The following MRTO4 variants were observed in gnomAD, a reference collection of about 807,000 sequenced individuals.
MRTO4 encodes the protein MRT4 homolog, ribosome maturation factor.
In MRTO4, 7 loss-of-function variants were observed where a neutral mutation model predicts 28.6. The observed-to-expected ratio is 0.24, with a 90% confidence interval of 0.14 to 0.46. MRTO4 has a LOEUF of 0.46. MRTO4 is among the 20% of genes least tolerant of loss of function. The pLI, the probability that MRTO4 is intolerant of heterozygous loss-of-function variation, is 0.99. For missense variants in MRTO4, 302 were observed against 298.3 expected (o/e 1.01, Z -0.09); for synonymous variants, 113 against 108.2 (o/e 1.04, Z -0.27).
chr1:19,251,947 G>A, intron 1 of MRTO4, 84 bp downstream of exon 1: 1 of 1,515,682 alleles, frequency 6.6e-7, no homozygotes, highest in Non-Finnish European at 8.9e-7. Context: ...GGGCGGCGGG[G>A]GCGCAGATTG....
At chr1:19,258,587 G>A (rs775724940) in intron 7 of MRTO4, 34 bp downstream of exon 7, 1 of 1,613,920 alleles carries the variant, frequency 6.2e-7, no homozygotes, top group Admixed American at 1.7e-5. Context: ...GTTGCGGGCG[G>A]GGTTGCTGGC....
At position 19,257,098 on chromosome 1, in the gene MRTO4, G is replaced by T. The variant is rs1342875575; in HGVS notation, c.226G>T (p.Ala76Ser). Residue 76 changes from alanine (A) to serine (S), a missense_variant, in exon 4 of 8, where the codon GCC becomes TCC. Physicochemically the swap from Ala to Ser is moderately conservative, Grantham distance 99 (BLOSUM62 1). Coordinates refer to ENST00000330263, the MANE Select transcript of MRTO4 (RefSeq NM_016183.4). The stretch of plus-strand genomic sequence containing the variant: ...TGGCAAAAACAAGGTGATGATGGTG[G>T]CCTTGGGTCGGAGCCCATCTGATGA... The part of the protein sequence containing the change: ...FFGKNKVMMV[A>S]LGRSPSDEYK... 2 of 1,614,014 alleles carry T rather than the reference G, an allele frequency of 1.2e-6. No individual in the cohort carries two copies. The highest frequency in any genetic ancestry group is 1.7e-6 in the Non-Finnish European group (2 of 1,180,032).
chr1:19,255,628 G>C (rs1364234584), intron 2 of MRTO4, among the ~76,000 whole-genome samples: 1 of 152,220 alleles, frequency 6.6e-6, no homozygotes, highest in Non-Finnish European at 1.5e-5. Flanking sequence ...GAGGCTCCAT[G>C]TGTTTCCATG....
rs529589054 is a variant in MRTO4 at position 19,258,833 on chromosome 1, G to C, written c.*3G>C. The C allele has an allele frequency of 6.2e-7, 1 of 1,613,538 alleles. No individual in the cohort carries two copies. Among genetic ancestry groups the C allele is most frequent in the Admixed American group, 1.7e-5 (1 of 59,932 alleles). On this transcript the variant is annotated 3_prime_UTR_variant, in exon 8 of 8. Transcript: ENST00000330263. ...CAGACTCAGAAGATGATGACTGAAA[G>C]GGACTCGGGACTGAAGGTCTCCTGG...
At chr1:19,252,079 T>C (rs1247086121) in intron 1 of MRTO4, 1 of 658,374 alleles carries the variant, frequency 1.5e-6, no homozygotes. Flanking sequence ...GGAGACTCGT[T>C]TTGCCTAGTT....
In MRTO4 at chr1:19,258,518, G is replaced by A. The variant is rs2093674981; in HGVS notation, c.535G>A (p.Gly179Ser). Residue 179 changes from glycine to serine, a missense_variant, in exon 7 of 8, where the codon GGC (glycine) becomes AGC (serine). Coordinates refer to ENST00000330263, the MANE Select transcript of MRTO4 (RefSeq NM_016183.4). ...LLSDYEVCKE[G>S]DVLTPEQARV... ...GTCTGACTACGAGGTGTGCAAGGAGGGCGATGTGCTGACCCCAGAGCAGGC... is the reference window on the plus strand; with the variant it reads ...GTCTGACTACGAGGTGTGCAAGGAGAGCGATGTGCTGACCCCAGAGCAGGC... 6.2e-7 allele frequency: 1 copy of A among 1,614,076 alleles called. No homozygotes were observed. The highest frequency in any genetic ancestry group is 8.5e-7 in the Non-Finnish European group (1 of 1,180,036).
chr1:19,253,136 A>G (rs2093665798), intron 1 of MRTO4, among the ~76,000 whole-genome samples: 1 of 152,248 alleles, frequency 6.6e-6, no homozygotes. Flanking sequence ...AATGCTAAAA[A>G]TCAGATTGAA....
chr1:19,259,413 C>T lies in MRTO4; in HGVS notation c.*583C>T, dbSNP rs1244991385. 1 of 152,130 alleles carries T rather than the reference C, an allele frequency of 6.6e-6. No individual in the cohort carries two copies. The highest frequency in any genetic ancestry group is 1.5e-5 in the Non-Finnish European group (1 of 68,072). The allele number at this position is 152,130 out of a possible 1,614,324, so 9.4% of individuals were successfully genotyped here. The stretch of plus-strand genomic sequence containing the variant: ...TGGGCAATTCAGCAAGATCCCGTCT[C>T]TACAAAAAATAAAAAAAAATTAGTC... On this transcript the variant is annotated 3_prime_UTR_variant, in exon 8 of 8. Coordinates refer to ENST00000330263, the MANE Select transcript of MRTO4 (RefSeq NM_016183.4).
chr1:19,251,980 T>G (rs1344617576), intron 1 of MRTO4, 117 bp downstream of exon 1: 3 of 1,353,810 alleles, frequency 2.2e-6, no homozygotes, highest in Non-Finnish European at 3.0e-6. Flanking sequence ...ATCCTCGAGG[T>G]GTTCCGCTGC....
chr1:19,251,960 A>AGCCCCCGAGGGCCGTCCCAGAGTCCCCCG, intron 1 of MRTO4, 97 bp downstream of exon 1: 1 of 1,478,638 alleles, frequency 6.8e-7, no homozygotes, highest in Non-Finnish European at 9.2e-7. Context: ...GCAGATTGGA[A>AGCCCCCGAGGGCCGTCCCAGAGTCCCCCG]CGCCAGGACA....
intron 5 of MRTO4, 100 bp from the exon 6 acceptor site, chr1:19,257,733 G>A: frequency 6.7e-7 from 1 of 1,501,350 alleles, no homozygotes; most frequent in Non-Finnish European, 9.1e-7. Context: ...GGTCTGTGAT[G>A]GGGGAAGGCC....
chr1:19,258,748 G>A lies in MRTO4; in HGVS notation c.638G>A (p.Gly213Glu), dbSNP rs181723825. Reference protein sequence around the residue: ...TIKYMWDSQSGRFQQMGDDLP... With the variant: ...TIKYMWDSQSERFQQMGDDLP... Reference sequence around the variant, plus strand: ...AAATACATGTGGGATTCACAGTCGGGAAGGTTCCAGCAGATGGGAGACGAC... The same window carrying A: ...AAATACATGTGGGATTCACAGTCGGAAAGGTTCCAGCAGATGGGAGACGAC... Residue 213 changes from glycine to glutamate, a missense_variant, in exon 8 of 8, where the codon GGA (glycine) becomes GAA (glutamate). Transcript: ENST00000330263. 2 of 1,614,206 alleles carry A rather than the reference G, an allele frequency of 1.2e-6. No homozygotes were observed. The highest frequency in any genetic ancestry group is 1.3e-5 in the African/African-American group (1 of 75,050).
chr1:19,256,524 G>C (rs1396969699), intron 3 of MRTO4, among the ~76,000 whole-genome samples: 1 of 152,178 alleles, frequency 6.6e-6, no homozygotes, highest in Non-Finnish European at 1.5e-5. Flanking sequence ...TCAAAAAGCA[G>C]ATTTTGCACT....
At position 19,251,850 on chromosome 1, in the gene MRTO4, G is replaced by A. The variant is rs1406549625; in HGVS notation, c.15G>A (p.Lys5=). 1 of 1,590,934 alleles carries A rather than the reference G, an allele frequency of 6.3e-7. No homozygotes were observed. Among genetic ancestry groups the A allele is most frequent in the Non-Finnish European group, 8.6e-7 (1 of 1,169,388 alleles). Residue 5 remains lysine, a synonymous_variant, in exon 1 of 8, where the codon AAG becomes AAA. Coordinates refer to ENST00000330263, the MANE Select transcript of MRTO4 (RefSeq NM_016183.4). MPKS[K]RDKKVSLTKT... ...GATTCAGCGCGATGCCCAAATCCAAGCGCGACAAGAAAGGTGGGCGAAGGG... is the reference window on the plus strand; with the variant it reads ...GATTCAGCGCGATGCCCAAATCCAAACGCGACAAGAAAGGTGGGCGAAGGG...
intron 3 of MRTO4, among the ~76,000 whole-genome samples, chr1:19,256,349 C>T (rs1340315449): frequency 6.6e-6 from 1 of 152,138 alleles, no homozygotes; most frequent in Non-Finnish European, 1.5e-5. Context: ...AACCCCTTCT[C>T]TACTGAAAAT....
intron 4 of MRTO4, 49 bp downstream of exon 4, chr1:19,257,194 C>T: frequency 5.1e-6 from 8 of 1,556,646 alleles, no homozygotes; most frequent in Middle Eastern, 3.5e-4. Flanking sequence ...GCCGCCCTCT[C>T]TCCCACTACT....
intron 1 of MRTO4, among the ~76,000 whole-genome samples, chr1:19,252,570 G>T (rs954854303): frequency 6.6e-6 from 1 of 152,128 alleles, no homozygotes; most frequent in Non-Finnish European, 1.5e-5. Context: ...ATGGTGGCAG[G>T]TGCCTGTAAT....
intron 1 of MRTO4, 37 bp downstream of exon 1, chr1:19,251,900 C>T: frequency 6.3e-7 from 1 of 1,579,402 alleles, no homozygotes; most frequent in Non-Finnish European, 8.6e-7. Flanking sequence ...GGGGGGAGCT[C>T]CGTGGGCTGG....
At chr1:19,251,993 CGCTGCGAGCTGGAATGGGG>C in intron 1 of MRTO4, 130 bp downstream of exon 1, 1 of 1,322,084 alleles carries the variant, frequency 7.6e-7, no homozygotes, top group Non-Finnish European at 1.0e-6. Flanking sequence ...TCCGCTGCCT[CGCTGCGAGCTGGAATGGGG>C]GCTTCGGGGC....
Sources: allele counts gnomAD v4.1 joint callset (sites outside exome capture counted in the v4.1 genomes callset), GRCh38; gene constraint gnomAD v4.1.1; transcripts MANE v1.5; gene names NCBI Gene and HGNC (gene_info 2026-07-23, HGNC 2026-07-21).